Variants in ESYT3 observed in about 807,000 individuals in gnomAD.
ESYT3 encodes the protein extended synaptotagmin 3, also known as extended synaptotagmin-3.
ESYT3 carries 101 observed loss-of-function variants against 111.5 expected under a neutral mutation model. The observed-to-expected ratio is 0.91, with a 90% CI of 0.77 to 1.07. The LOEUF (loss-of-function observed/expected upper bound fraction) is 1.07, where lower values mean the gene tolerates loss of function less well. Ranked by LOEUF, ESYT3 falls within the 50% of genes least tolerant of loss-of-function variation. The probability of loss-of-function intolerance (pLI) is 0.00; values close to 1 mark genes in which losing one functional copy is unlikely to be tolerated. For missense variants in ESYT3, 1,097 were observed against 1,109.4 expected, an observed-to-expected ratio of 0.99 and a Z score of 0.16; for synonymous variants, 416 against 446.8, an observed-to-expected ratio of 0.93 and a Z score of 0.87.
At position 138,474,287 on chromosome 3, in the gene ESYT3, G is replaced by T; in HGVS notation, c.2403G>T (p.Arg801Ser). 6.2e-7 allele frequency: 1 copy of T among 1,613,172 alleles called. No individual in the cohort carries two copies. The highest frequency in any genetic ancestry group is 1.7e-4 in the Middle Eastern group (1 of 6,054). Residue 801 changes from arginine (R) to serine (S), a missense_variant, in exon 20 of 23, where the codon AGG becomes AGT. Transcript: ENST00000389567. ...PYVRVYLLPE[R>S]KWACRKKTSV... is the part of the protein sequence containing the mutation. ...TCCGTGTCTACTTGTTGCCAGAAAG[G>T]AAGTGGGCATGTCGTAAGAAGACTT...
chr3:138,473,589 ATG>A lies in ESYT3; in HGVS notation c.2297_2298del (p.Cys766SerfsTer24), dbSNP rs1560246913. 6.2e-7 allele frequency: 1 copy of A among 1,613,910 alleles called. No individual in the cohort carries two copies. Among genetic ancestry groups the A allele is most frequent in the South Asian group, 1.1e-5 (1 of 91,062 alleles). Reference sequence around the variant, plus strand: ...GGTGAGATTCAGCTCACAGTGCGCTATGTGTGTCTGCGGCGCTGCCTCAGCGT... The same window carrying A: ...GGTGAGATTCAGCTCACAGTGCGCTATGTGTCTGCGGCGCTGCCTCAGCGT... On this transcript the variant is annotated frameshift_variant, in exon 19 of 23. Transcript: ENST00000389567. LOFTEE classifies it high-confidence loss of function.
intron 20 of ESYT3, among the ~76,000 whole-genome samples, chr3:138,475,566 A>G (rs891269812): frequency 3.9e-5 from 6 of 152,114 alleles, no homozygotes; most frequent in African/African-American, 1.2e-4. Context: ...GTAAGAAAAA[A>G]ACTGAGAAGG....
intron 1 of ESYT3, among the ~76,000 whole-genome samples, chr3:138,451,661 C>T (rs1303182049): frequency 1.3e-5 from 2 of 152,214 alleles, no homozygotes; most frequent in South Asian, 2.1e-4. Flanking sequence ...ATGTCCTCTC[C>T]CACCTCGGCC....
intron 9 of ESYT3, 107 bp from the exon 10 acceptor site, chr3:138,465,232 A>G: frequency 1.4e-6 from 1 of 737,576 alleles, no homozygotes; most frequent in South Asian, 1.8e-5. Flanking sequence ...TGAGGCACTG[A>G]GGGGGTCAGG....
At chr3:138,459,872 G>A (rs547266807) in intron 5 of ESYT3, 73 bp from the exon 6 acceptor site, 10 of 1,344,270 alleles carry the variant, frequency 7.4e-6, no homozygotes, top group Non-Finnish European at 1.0e-5. Flanking sequence ...GCAGCAGATG[G>A]CCTCAGCTGA....
chr3:138,439,352 G>A (rs907692915), intron 1 of ESYT3, among the ~76,000 whole-genome samples: 8 of 152,114 alleles, frequency 5.3e-5, no homozygotes, highest in Admixed American at 5.2e-4. Context: ...GAGCACTTCT[G>A]TGGAACCCCC....
intron 5 of ESYT3, 53 bp from the exon 6 acceptor site, chr3:138,459,892 G>C: frequency 6.6e-7 from 1 of 1,509,192 alleles, no homozygotes; most frequent in Non-Finnish European, 9.2e-7. Flanking sequence ...AGCCCAGCAG[G>C]CATGGGGAGA....
intron 15 of ESYT3, among the ~76,000 whole-genome samples, 189 bp downstream of exon 15, chr3:138,469,693 C>G (rs2033118203): frequency 6.6e-6 from 1 of 152,180 alleles, no homozygotes; most frequent in Admixed American, 6.5e-5. Flanking sequence ...AGATAAATGA[C>G]TTGACCAAGG....
chr3:138,440,677 T>C lies in ESYT3; in HGVS notation c.327+5552T>C, dbSNP rs2108591791. Among the ~76,000 whole-genome samples, 1 of 152,238 alleles carries C rather than the reference T, an allele frequency of 6.6e-6. No individual in the cohort carries two copies. Among genetic ancestry groups the C allele is most frequent in the Non-Finnish European group, 1.5e-5 (1 of 68,018 alleles). ...TCGGGAAGGAAGAGGCAGATAAATT[T>C]TTAGTCATGCCTTTGGGGTTTCTGC... On this transcript the variant is annotated intron_variant, in intron 1 of 22. Transcript: ENST00000389567. This position sits in a 1 kb window ranked among gnomAD's most constrained non-coding sequence, Gnocchi z 4.2.
At chr3:138,444,322 G>A (rs2031379980) in intron 1 of ESYT3, among the ~76,000 whole-genome samples, 1 of 152,238 alleles carries the variant, frequency 6.6e-6, no homozygotes, top group African/African-American at 2.4e-5. Context: ...GACAGGTAGT[G>A]CGGGGAGGAC....
In ESYT3 at chr3:138,434,736, G is replaced by C. The variant is rs1056525907; in HGVS notation, c.-63G>C. 7.3e-7 allele frequency: 1 copy of C among 1,367,328 alleles called. No individual in the cohort carries two copies. The highest frequency in any genetic ancestry group is 9.7e-7 in the Non-Finnish European group (1 of 1,028,862). 84.7% of individuals were successfully genotyped at this position (1,367,328 alleles called of 1,614,324 possible). ...GCTTGGGAGACAGATGCGCATGGGC[G>C]TGGGGGCATGCGGACCTAAGCTCGG... On this transcript the variant is annotated 5_prime_UTR_variant, in exon 1 of 23. Transcript: ENST00000389567.
At position 138,472,721 on chromosome 3, in the gene ESYT3, C is replaced by T; in HGVS notation, c.2099C>T (p.Pro700Leu). 6.2e-7 allele frequency: 1 copy of T among 1,614,194 alleles called. No homozygotes were observed. Among genetic ancestry groups the T allele is most frequent in the South Asian group, 1.1e-5 (1 of 91,084 alleles). ...GTCCCAGGTCCCCACTCTCCAGGGC[C>T]CATCAAGTCACCCAGACCCATGAAA... The part of the protein sequence containing the change: ...LTVPGPHSPG[P>L]IKSPRPMKCP... Residue 700 changes from proline to leucine, a missense_variant, in exon 18 of 23, where the codon CCC becomes CTC. Physicochemically the swap from Pro to Leu is moderately conservative, Grantham distance 98. Coordinates refer to ENST00000389567, the MANE Select transcript of ESYT3 (RefSeq NM_031913.5).
At chr3:138,446,929 G>A (rs1001920296) in intron 1 of ESYT3, among the ~76,000 whole-genome samples, 13 of 152,152 alleles carry the variant, frequency 8.5e-5, no homozygotes, top group African/African-American at 2.9e-4. Flanking sequence ...TAGCTACTCG[G>A]GAGGCTGAGG....
chr3:138,456,159 A>T (rs979572219), intron 3 of ESYT3, among the ~76,000 whole-genome samples: 1 of 152,208 alleles, frequency 6.6e-6, no homozygotes, highest in African/African-American at 2.4e-5. Context: ...CTGCCATTCA[A>T]ACTGGCTTGT....
At chr3:138,471,061 A>C (rs2033196702) in intron 17 of ESYT3, 35 bp downstream of exon 17, 3 of 1,582,444 alleles carry the variant, frequency 1.9e-6, no homozygotes, top group South Asian at 2.2e-5. Flanking sequence ...GAGGGGAGGA[A>C]TAGAGCTCTG....
At chr3:138,469,570 G>A in intron 15 of ESYT3, 66 bp downstream of exon 15, 4 of 1,383,796 alleles carry the variant, frequency 2.9e-6, no homozygotes, top group African/African-American at 1.4e-5. Flanking sequence ...CAGGGAGAGA[G>A]GCAAAAGGGA....
At chr3:138,460,983 G>A (rs770795160) in intron 7 of ESYT3, among the ~76,000 whole-genome samples, 2 of 152,224 alleles carry the variant, frequency 1.3e-5, no homozygotes, top group Non-Finnish European at 2.9e-5. Context: ...GAGTGGCTCT[G>A]TCTGCTGAGA....
chr3:138,445,029 G>A lies in ESYT3; in HGVS notation c.328-7019G>A, dbSNP rs546918370. On this transcript the variant is annotated intron_variant, in intron 1 of 22. Coordinates refer to ENST00000389567, the MANE Select transcript of ESYT3 (RefSeq NM_031913.5). ...GAACCACCAGGAGCTTGTTAAAGAC[G>A]CAGGTTTCCAGGCTCCTGCCCCAGT... is the stretch of plus-strand genomic sequence containing the variant. 4.6e-5 allele frequency among the ~76,000 whole-genome samples: 7 copies of A among 152,284 alleles called. No homozygotes were observed. The East Asian group carries it at 5.8e-4, about 13-fold the overall frequency.
At chr3:138,464,296 T>C (rs751420187) in intron 8 of ESYT3, 49 bp from the exon 9 acceptor site, 1 of 1,601,342 alleles carries the variant, frequency 6.2e-7, no homozygotes, top group Admixed American at 1.7e-5. Flanking sequence ...CTCCAGGACT[T>C]GGAGGCCCCA....
Sources: allele counts gnomAD v4.1 joint callset (sites outside exome capture counted in the v4.1 genomes callset), GRCh38; gene constraint gnomAD v4.1.1; non-coding constraint Gnocchi (gnomAD v3.1); transcripts MANE v1.5; gene names NCBI Gene and HGNC (gene_info 2026-07-23, HGNC 2026-07-21).